The following TMEM41B variants were observed in gnomAD, a reference collection of about 807,000 sequenced individuals.
TMEM41B encodes the protein transmembrane protein 41B.
TMEM41B carries 18 observed loss-of-function variants against 31.9 expected under a neutral mutation model. That is an observed-to-expected ratio of 0.56 (90% confidence interval 0.39 to 0.84). The LOEUF (loss-of-function observed/expected upper bound fraction) is 0.84, where lower values mean the gene tolerates loss of function less well. Among genes scored for constraint, TMEM41B ranks in the 40% least tolerant of loss-of-function variants. The pLI, the probability that TMEM41B is intolerant of heterozygous loss-of-function variation, is 0.00. For missense variants in TMEM41B, 322 were observed against 348.0 expected (o/e 0.93, Z 0.59); for synonymous variants, 144 against 124.3 (o/e 1.16, Z -1.05).
At chr11:9,309,042 G>A (rs973197762) in intron 1 of TMEM41B, among the ~76,000 whole-genome samples, 6 of 152,100 alleles carry the variant, frequency 3.9e-5, no homozygotes, top group East Asian at 3.9e-4. Context: ...GAGGTCAGGA[G>A]TTCAAGACCA....
intron 3 of TMEM41B, among the ~76,000 whole-genome samples, chr11:9,294,268 GC>G (rs1430336308): frequency 2.7e-5 from 4 of 150,584 alleles, no homozygotes; most frequent in Admixed American, 1.3e-4. Context: ...GCTGAGATGG[GC>G]AGATCACCTG....
chr11:9,312,294 AGACGCTTGAGCCCAG>A (rs1025491044), intron 1 of TMEM41B, among the ~76,000 whole-genome samples: 43 of 152,314 alleles, frequency 2.8e-4, no homozygotes, highest in African/African-American at 9.9e-4. Context: ...CAAGGCAGGA[AGACGCTTGAGCCCAG>A]GACTTCAAGA....
intron 2 of TMEM41B, among the ~76,000 whole-genome samples, chr11:9,298,863 T>C (rs189477178): frequency 2.9e-4 from 44 of 152,256 alleles, no homozygotes; most frequent in Non-Finnish European, 4.9e-4. Flanking sequence ...AGTTCTCCAT[T>C]ACCACATCAG....
Position 9,314,329 on chromosome 11 carries a change from T to C in TMEM41B, c.113A>G (p.His38Arg). The change falls in exon 1 of 7, where the codon CAC (histidine) becomes CGC (arginine). Residue 38 changes from histidine (H) to arginine (R), a missense_variant. Physicochemically the swap from His to Arg is conservative, Grantham distance 29. Coordinates refer to ENST00000528080, the MANE Select transcript of TMEM41B (RefSeq NM_015012.4). ...TCCCCGGGCCCACTCACCCTTCTGG[T>C]GGTCTCTGCTGCCAGGCGCCGCGAG... The part of the protein sequence containing the change: ...RGLAAPGSRD[H>R]QKEKSWVEAG... 3 of 1,598,278 alleles carry C rather than the reference T, an allele frequency of 1.9e-6. No homozygotes were observed. The highest frequency in any genetic ancestry group is 2.6e-6 in the Non-Finnish European group (3 of 1,176,216).
intron 3 of TMEM41B, among the ~76,000 whole-genome samples, chr11:9,290,606 A>G (rs1852935059): frequency 6.6e-6 from 1 of 152,146 alleles, no homozygotes; most frequent in Non-Finnish European, 1.5e-5. Context: ...AAAGGAGATA[A>G]ATGGAAATTT....
chr11:9,308,744 A>G (rs907625276), intron 1 of TMEM41B, among the ~76,000 whole-genome samples: 3 of 152,208 alleles, frequency 2.0e-5, no homozygotes, highest in African/African-American at 7.2e-5. Flanking sequence ...TGAGCCAATC[A>G]GGTTACTCTG....
intron 2 of TMEM41B, among the ~76,000 whole-genome samples, chr11:9,298,891 G>C (rs891446291): frequency 1.3e-5 from 2 of 152,070 alleles, no homozygotes; most frequent in African/African-American, 2.4e-5. Context: ...CTGGTTGAAA[G>C]TCTAACTACA....
At position 9,314,500 on chromosome 11, in the gene TMEM41B, G is replaced by C. The variant is rs1168147416; in HGVS notation, c.-59C>G. On this transcript the variant is annotated 5_prime_UTR_variant, in exon 1 of 7. Transcript: ENST00000528080. The stretch of plus-strand genomic sequence containing the variant: ...CGCGCCCCCTAAACAACAAAACTCT[G>C]TTGCAGGCTCCTTACTACGCCGAAG... 6 of 1,501,676 alleles carry C rather than the reference G, an allele frequency of 4.0e-6. No individual in the cohort carries two copies. In the Admixed American group the frequency reaches 1.1e-4, roughly 27 times the overall value. The allele number at this position is 1,501,676 out of a possible 1,614,324, so 93.0% of individuals were successfully genotyped here.
rs536270966 is a variant in TMEM41B at position 9,294,177 on chromosome 11, T to C, written c.368+1082A>G. Among the ~76,000 whole-genome samples, 437 of 57,454 alleles carry C rather than the reference T, an allele frequency of 7.6e-3. 5 individuals carry two copies. Among genetic ancestry groups the C allele is most frequent in the African/African-American group, 0.037 (421 of 11,372 alleles). The allele number at this position is 57,454 out of a possible 152,430, so 37.7% of individuals were successfully genotyped here. On this transcript the variant is annotated intron_variant, in intron 3 of 6. Coordinates refer to ENST00000528080, the MANE Select transcript of TMEM41B (RefSeq NM_015012.4). ...GCCTGGGTGACAGGGGGAGAACCTG[T>C]CTCAAAAAAAAAAAAAAAAAAAAAA...
chr11:9,290,689 G>A (rs1852938670), intron 3 of TMEM41B, among the ~76,000 whole-genome samples: 1 of 152,012 alleles, frequency 6.6e-6, no homozygotes, highest in Non-Finnish European at 1.5e-5. Context: ...TGTTTTTGTT[G>A]TTTAACGCAA....
intron 1 of TMEM41B, among the ~76,000 whole-genome samples, chr11:9,313,902 G>T (rs944846443): frequency 6.6e-6 from 1 of 152,028 alleles, no homozygotes; most frequent in African/African-American, 2.4e-5. Flanking sequence ...TTAAGTCCTC[G>T]CTCCTAACTA....
At chr11:9,286,278 A>G (rs1022735971) in intron 6 of TMEM41B, among the ~76,000 whole-genome samples, 177 bp downstream of exon 6, 133 of 152,312 alleles carry the variant, frequency 8.7e-4, no homozygotes, top group African/African-American at 3.1e-3. Context: ...AATAACCTAA[A>G]TCAACACAAT....
rs78752223 is a variant in TMEM41B at position 9,311,955 on chromosome 11, A to G, written c.121+2366T>C. ...AGCATGTAAAACAGTTCAAACATAC[A>G]TATGATGATAACTACTTATTTGTCA... On this transcript the variant is annotated intron_variant, in intron 1 of 6. Coordinates refer to ENST00000528080, the MANE Select transcript of TMEM41B (RefSeq NM_015012.4). Among the ~76,000 whole-genome samples, 629 of 152,322 alleles carry G rather than the reference A, an allele frequency of 4.1e-3. 2 individuals carry two copies. The highest frequency in any genetic ancestry group is 0.02 in the Middle Eastern group (6 of 294).
chr11:9,292,735 G>A (rs989154861), intron 3 of TMEM41B, among the ~76,000 whole-genome samples: 14 of 152,050 alleles, frequency 9.2e-5, no homozygotes, highest in Admixed American at 5.2e-4. Flanking sequence ...CCAAACTCAG[G>A]TGATCAGCCT....
In TMEM41B at chr11:9,314,401, G is replaced by A; in HGVS notation, c.41C>T (p.Ala14Val). The A allele has an allele frequency of 1.9e-6, 3 of 1,568,002 alleles. No individual in the cohort carries two copies. Among genetic ancestry groups the A allele is most frequent in the East Asian group, 2.4e-5 (1 of 41,710 alleles). Reference protein sequence around the residue: ...GRVAERSQLGAHHTTPVGDGA... With the variant: ...GRVAERSQLGVHHTTPVGDGA... Reference sequence around the variant, plus strand: ...GTCCCCCACGGGGGTCGTGTGGTGAGCGCCCAACTGCGATCGTTCGGCGAC... The same window carrying A: ...GTCCCCCACGGGGGTCGTGTGGTGAACGCCCAACTGCGATCGTTCGGCGAC... The change falls in exon 1 of 7, where the codon GCT (alanine) becomes GTT (valine). Residue 14 changes from alanine to valine, a missense_variant. Coordinates refer to ENST00000528080, the MANE Select transcript of TMEM41B (RefSeq NM_015012.4).
intron 1 of TMEM41B, 74 bp downstream of exon 1, chr11:9,314,247 G>A: frequency 6.7e-7 from 1 of 1,486,378 alleles, no homozygotes; most frequent in Non-Finnish European, 8.9e-7. Context: ...TCCGAGAATA[G>A]CGGGGGTCCT....
At chr11:9,311,521 C>T in intron 1 of TMEM41B, 7 of 1,363,140 alleles carry the variant, frequency 5.1e-6, no homozygotes, top group Non-Finnish European at 7.1e-6. Context: ...GGGGGCCAAC[C>T]TGGGGGGAAA....
At position 9,283,588 on chromosome 11, in the gene TMEM41B, C is replaced by A. The variant is rs771178606; in HGVS notation, c.712G>T (p.Ala238Ser). 3 of 1,596,514 alleles carry A rather than the reference C, an allele frequency of 1.9e-6. No individual in the cohort carries two copies. Among genetic ancestry groups the A allele is most frequent in the Non-Finnish European group, 2.6e-6 (3 of 1,175,540 alleles). ...TTAATGGCTACAAAAGAAGGAGGTG[C>A]GACACCTGAAATAAAATATAAAAAG... ...VFFIGTFLGV[A>S]PPSFVAIKAG... The change falls in exon 7 of 7, where the codon GCA becomes TCA. Residue 238 changes from alanine (A) to serine (S), a missense_variant. By Grantham distance (99) the Ala-to-Ser change is moderately conservative (BLOSUM62 1). This residue lies in a region of TMEM41B where 92 missense variants were observed against 88.0 expected (regional missense o/e 1.05). Transcript: ENST00000528080.
chr11:9,289,319 GAT>G (rs1564960599), intron 3 of TMEM41B, among the ~76,000 whole-genome samples: 3 of 29,384 alleles, frequency 1.0e-4, no homozygotes, highest in African/African-American at 1.8e-4. Context: ...TTTTAAAATA[GAT>G]TTTTTTTTTT....
Sources: allele counts gnomAD v4.1 joint callset (sites outside exome capture counted in the v4.1 genomes callset), GRCh38; gene constraint gnomAD v4.1.1; regional missense constraint gnomAD v4.1.1; transcripts MANE v1.5; gene names NCBI Gene and HGNC (gene_info 2026-07-23, HGNC 2026-07-21).